The following MTA3 variants were observed in gnomAD, a reference collection of about 807,000 sequenced individuals.
The protein encoded by MTA3 is metastasis associated 1 family member 3.
Under a neutral mutation model 83.5 loss-of-function variants are expected in MTA3, and 34 were observed. The observed-to-expected ratio is 0.41, with a 90% CI of 0.31 to 0.54. MTA3 has a LOEUF of 0.54. MTA3 is among the 20% of genes least tolerant of loss of function. The pLI, the probability that MTA3 is intolerant of heterozygous loss-of-function variation, is 0.33. For synonymous variants in MTA3, 303 were observed against 252.7 expected, an observed-to-expected ratio of 1.20 and a Z score of -1.89; for missense variants, 761 against 726.4, an observed-to-expected ratio of 1.05 and a Z score of -0.55.
Position 42,553,349 on chromosome 2 carries a change from T to C in MTA3, c.-140-17088T>C, listed in dbSNP as rs1330596842. ...TGAGGCAGGAGAATGGCGTGAACCC[T>C]GGAAGCGGAGCTTGCAGTGAGCCGA... On this transcript the variant is annotated intron_variant, in intron 2 of 17. Transcript: ENST00000405592. Among the ~76,000 whole-genome samples, 4 of 138,232 alleles carry C rather than the reference T, an allele frequency of 2.9e-5. No homozygotes were observed. In the South Asian group the frequency reaches 7.0e-4, roughly 24 times the overall value. 90.7% of individuals were successfully genotyped at this position (138,232 alleles called of 152,430 possible).
chr2:42,745,282 G>A (rs567611704), intron 16 of MTA3, among the ~76,000 whole-genome samples: 116 of 152,176 alleles, frequency 7.6e-4, no homozygotes, highest in Non-Finnish European at 1.6e-3. Context: ...GACCCTTTCC[G>A]TAATGTTCTG....
At chr2:42,588,729 G>C (rs1388969806) in intron 3 of MTA3, among the ~76,000 whole-genome samples, 2 of 152,082 alleles carry the variant, frequency 1.3e-5, no homozygotes, top group Non-Finnish European at 2.9e-5. Context: ...ACCCGAGAAA[G>C]AGAACCAGAT....
chr2:42,642,189 T>G (rs1687756908), intron 5 of MTA3, among the ~76,000 whole-genome samples: 1 of 152,206 alleles, frequency 6.6e-6, no homozygotes, highest in Non-Finnish European at 1.5e-5. Flanking sequence ...AAACATATTT[T>G]GAATATTTTC....
chr2:42,650,454 T>A (rs558412731), intron 6 of MTA3, among the ~76,000 whole-genome samples: 1 of 152,288 alleles, frequency 6.6e-6, no homozygotes, highest in South Asian at 2.1e-4. Flanking sequence ...TTTTGGTTTT[T>A]TTTGAGACGG....
chr2:42,732,881 C>A (rs1009643811), intron 16 of MTA3, among the ~76,000 whole-genome samples: 1 of 152,204 alleles, frequency 6.6e-6, no homozygotes, highest in Non-Finnish European at 1.5e-5. Flanking sequence ...CAAGAGTCAC[C>A]TTTGCTCCAG....
At chr2:42,618,168 G>C (rs561929123) in intron 4 of MTA3, among the ~76,000 whole-genome samples, 1 of 151,950 alleles carries the variant, frequency 6.6e-6, no homozygotes, top group South Asian at 2.1e-4. Flanking sequence ...GGCTGGTCTT[G>C]AACACTTGGC....
At chr2:42,594,339 C>G (rs1382173631) in intron 3 of MTA3, among the ~76,000 whole-genome samples, 2 of 146,862 alleles carry the variant, frequency 1.4e-5, no homozygotes, top group East Asian at 4.0e-4. Context: ...CGGGCTCAAG[C>G]AATTCTTATG....
At chr2:42,651,674 G>C (rs1688728182) in intron 6 of MTA3, among the ~76,000 whole-genome samples, 1 of 151,874 alleles carries the variant, frequency 6.6e-6, no homozygotes, top group African/African-American at 2.4e-5. Flanking sequence ...GTGCGTGCCT[G>C]TAGGCCCAGC....
chr2:42,504,250 T>C (rs1674527263), intron 2 of MTA3, among the ~76,000 whole-genome samples: 1 of 151,022 alleles, frequency 6.6e-6, no homozygotes, highest in African/African-American at 2.4e-5. Flanking sequence ...TTATTTTTTT[T>C]TGAGTCTATC....
intron 3 of MTA3, among the ~76,000 whole-genome samples, chr2:42,601,455 G>A (rs1315521230): frequency 6.6e-6 from 1 of 152,194 alleles, no homozygotes; most frequent in East Asian, 1.9e-4. Context: ...CACTGTGTAA[G>A]CACTGAGCAC....
At chr2:42,644,419 C>T (rs144656803) in intron 6 of MTA3, among the ~76,000 whole-genome samples, 175 bp downstream of exon 6, 3 of 152,096 alleles carry the variant, frequency 2.0e-5, no homozygotes, top group Admixed American at 6.6e-5. Context: ...AGAGATGAGG[C>T]CTCGCTATGT....
chr2:42,530,734 G>T (rs190382616), intron 2 of MTA3, among the ~76,000 whole-genome samples: 1 of 151,892 alleles, frequency 6.6e-6, no homozygotes, highest in Admixed American at 6.6e-5. Flanking sequence ...GCGGTGAGCC[G>T]AGATCACACC....
chr2:42,561,715 G>A (rs1677684482), intron 2 of MTA3, among the ~76,000 whole-genome samples: 1 of 152,140 alleles, frequency 6.6e-6, no homozygotes. Context: ...TGTTTCAAGG[G>A]ATTGAGTAGG....
intron 3 of MTA3, among the ~76,000 whole-genome samples, chr2:42,597,909 TG>T (rs1682026634): frequency 6.6e-6 from 1 of 151,888 alleles, no homozygotes; most frequent in Admixed American, 6.6e-5. Context: ...CTTGAACTCC[TG>T]GGGTGAAGCG....
At chr2:42,690,678 TA>T (rs1692797165) in intron 9 of MTA3, among the ~76,000 whole-genome samples, 1 of 118,478 alleles carries the variant, frequency 8.4e-6, no homozygotes. Context: ...TTTTTTAATT[TA>T]ATTTTTTTTT....
intron 5 of MTA3, among the ~76,000 whole-genome samples, chr2:42,641,032 G>C (rs569951499): frequency 4.3e-4 from 66 of 152,084 alleles, no homozygotes; most frequent in African/African-American, 1.6e-3. Context: ...TCAGCCTCCT[G>C]AGTAGCTGGG....
intron 2 of MTA3, among the ~76,000 whole-genome samples, chr2:42,571,517 C>T (rs1436914540): frequency 6.6e-6 from 1 of 152,032 alleles, no homozygotes; most frequent in Non-Finnish European, 1.5e-5. Context: ...TGCTTAGAGC[C>T]TCTGAAAGAG....
At chr2:42,695,723 A>G in intron 9 of MTA3, 42 bp from the exon 10 acceptor site, 2 of 1,129,568 alleles carry the variant, frequency 1.8e-6, no homozygotes, top group East Asian at 2.9e-5. Flanking sequence ...TCATTTTATT[A>G]TATGTTAACA....
chr2:42,688,449 AT>A (rs1692584964), intron 9 of MTA3, among the ~76,000 whole-genome samples: 1 of 152,056 alleles, frequency 6.6e-6, no homozygotes, highest in Non-Finnish European at 1.5e-5. Context: ...TTCGGTTTTA[AT>A]TTGCATTTTC....
Sources: allele counts gnomAD v4.1 joint callset (sites outside exome capture counted in the v4.1 genomes callset), GRCh38; gene constraint gnomAD v4.1.1; transcripts MANE v1.5; gene names NCBI Gene and HGNC (gene_info 2026-07-23, HGNC 2026-07-21).